The following GRM8 variants were observed in gnomAD, a reference collection of about 807,000 sequenced individuals.
GRM8 encodes metabotropic glutamate receptor 8.
Under a neutral mutation model 87.2 loss-of-function variants are expected in GRM8, and 47 were observed. The ratio of observed to expected loss-of-function variants is 0.54; its 90% CI spans 0.43 to 0.69. The LOEUF is 0.69. Ranked by LOEUF, GRM8 falls within the 30% of genes least tolerant of loss-of-function variation. GRM8 has a pLI of 0.00. For synonymous variants in GRM8, 396 were observed against 404.5 expected (o/e 0.98, Z 0.25); for missense variants, 1,019 against 1,139.2 (o/e 0.89, Z 1.52).
chr7:127,118,346 C>G (rs1037029716), intron 2 of GRM8: 2 of 152,174 alleles, frequency 1.3e-5, no homozygotes, highest in Non-Finnish European at 2.9e-5. Flanking sequence ...CTACATACTA[C>G]AGAATGCAAG....
At chr7:126,490,322 G>A (rs895166489) in intron 9 of GRM8, among the ~76,000 whole-genome samples, 2 of 152,002 alleles carry the variant, frequency 1.3e-5, no homozygotes, top group African/African-American at 4.8e-5. Context: ...CCTGCATGCT[G>A]ACAACTGCTG....
chr7:126,900,663 C>T (rs1297907716), intron 6 of GRM8, among the ~76,000 whole-genome samples: 1 of 8,554 alleles, frequency 1.2e-4, no homozygotes, highest in Non-Finnish European at 2.0e-4. Flanking sequence ...GCGCCCGCCA[C>T]ACGCCGGGCT....
chr7:127,171,757 C>G (rs968209734), intron 2 of GRM8, among the ~76,000 whole-genome samples: 1 of 152,140 alleles, frequency 6.6e-6, no homozygotes, highest in Admixed American at 6.5e-5. Context: ...GCAATATTCA[C>G]TGCATTGTGA....
intron 6 of GRM8, among the ~76,000 whole-genome samples, chr7:126,897,287 T>C (rs1332969751): frequency 6.6e-6 from 1 of 152,056 alleles, no homozygotes; most frequent in Non-Finnish European, 1.5e-5. Context: ...AGAATGACAG[T>C]CATTTAAAAA....
intron 2 of GRM8, among the ~76,000 whole-genome samples, chr7:127,235,677 C>A (rs1446415347): frequency 1.3e-5 from 2 of 152,194 alleles, no homozygotes; most frequent in African/African-American, 4.8e-5. Flanking sequence ...GACCAAACAT[C>A]AGAATCACCT....
intron 8 of GRM8, among the ~76,000 whole-genome samples, chr7:126,551,374 A>C (rs1028755082): frequency 1.3e-5 from 2 of 152,098 alleles, no homozygotes; most frequent in African/African-American, 4.8e-5. Context: ...CTGGTTCACT[A>C]TTCTTGTTGA....
At chr7:126,983,605 G>T (rs1811753212) in intron 3 of GRM8, among the ~76,000 whole-genome samples, 1 of 152,102 alleles carries the variant, frequency 6.6e-6, no homozygotes, top group Non-Finnish European at 1.5e-5. Context: ...GTTGGCTGGG[G>T]TGACTGACCC....
intron 6 of GRM8, among the ~76,000 whole-genome samples, chr7:126,812,384 C>T (rs1793382519): frequency 6.6e-6 from 1 of 151,950 alleles, no homozygotes; most frequent in Admixed American, 6.6e-5. Context: ...ATGTGGTACA[C>T]CCTAGCGCTC....
chr7:126,533,938 A>G (rs546065550), intron 8 of GRM8, 51 bp from the exon 9 acceptor site: 6 of 1,333,934 alleles, frequency 4.5e-6, no homozygotes, highest in Admixed American at 1.9e-5. Flanking sequence ...CATTTATAAT[A>G]TCCTAATCCT....
chr7:126,501,086 A>G (rs1809575556), intron 9 of GRM8, among the ~76,000 whole-genome samples: 1 of 151,996 alleles, frequency 6.6e-6, no homozygotes, highest in African/African-American at 2.4e-5. Flanking sequence ...AAGACTTCAT[A>G]CTCATATCAT....
At chr7:126,973,606 G>C (rs766477818) in intron 3 of GRM8, among the ~76,000 whole-genome samples, 1 of 152,138 alleles carries the variant, frequency 6.6e-6, no homozygotes, top group Admixed American at 6.5e-5. Flanking sequence ...ATAACCAATG[G>C]TGTGCATCAG....
intron 7 of GRM8, among the ~76,000 whole-genome samples, chr7:126,635,026 C>CG (rs1801710633): frequency 6.6e-6 from 1 of 152,112 alleles, no homozygotes; most frequent in Non-Finnish European, 1.5e-5. Context: ...CCTCCTCTTA[C>CG]GGGGGTGAAA....
chr7:127,044,496 C>T (rs2132431920), intron 3 of GRM8, among the ~76,000 whole-genome samples: 1 of 152,220 alleles, frequency 6.6e-6, no homozygotes, highest in South Asian at 2.1e-4. Flanking sequence ...AAATCTGTTA[C>T]TAGCAATCTA....
At chr7:126,717,416 C>T (rs547111890) in intron 7 of GRM8, among the ~76,000 whole-genome samples, 130 of 152,216 alleles carry the variant, frequency 8.5e-4, no homozygotes, top group Admixed American at 4.6e-3. Flanking sequence ...TAAGCGGGCT[C>T]ACCAGACACA....
intron 7 of GRM8, among the ~76,000 whole-genome samples, chr7:126,682,630 C>T (rs535565522): frequency 2.0e-4 from 30 of 152,324 alleles, no homozygotes; most frequent in Non-Finnish European, 3.5e-4. Context: ...TCTGGCGACT[C>T]GGCCTCACCC....
At chr7:126,921,971 G>A (rs1167114633) in intron 3 of GRM8, among the ~76,000 whole-genome samples, 1 of 152,018 alleles carries the variant, frequency 6.6e-6, no homozygotes, top group Admixed American at 6.6e-5. Context: ...AGCCATCAAA[G>A]GTCCAAAGAT....
At chr7:127,223,477 A>G (rs1391603563) in intron 2 of GRM8, among the ~76,000 whole-genome samples, 1 of 140,658 alleles carries the variant, frequency 7.1e-6, no homozygotes, top group African/African-American at 3.0e-5. Context: ...ACACACACAC[A>G]CACACACACA....
intron 8 of GRM8, among the ~76,000 whole-genome samples, chr7:126,588,746 A>T (rs1168432018): frequency 1.3e-5 from 2 of 152,100 alleles, no homozygotes; most frequent in Non-Finnish European, 2.9e-5. Flanking sequence ...GAATCCACAG[A>T]CCCTTTGAAG....
At chr7:127,116,135 A>C (rs1184089208) in intron 2 of GRM8, among the ~76,000 whole-genome samples, 2 of 152,162 alleles carry the variant, frequency 1.3e-5, no homozygotes, top group Non-Finnish European at 2.9e-5. Flanking sequence ...TAAAAAGAGG[A>C]CTTTAATATT....
Sources: gnomAD v4.1 joint callset for allele counts (sites outside exome capture counted in the v4.1 genomes callset) on GRCh38, gnomAD v4.1.1 for gene constraint, MANE v1.5 for transcripts, NCBI Gene and HGNC (gene_info 2026-07-23, HGNC 2026-07-21) for gene names.